The following ATP11C variants were observed in gnomAD, a reference collection of about 807,000 sequenced individuals.
ATP11C encodes phospholipid-transporting ATPase IG.
In ATP11C, 36 loss-of-function variants were observed where a neutral mutation model predicts 97.4. That is an observed-to-expected ratio of 0.37 (90% CI 0.28 to 0.49). ATP11C has a LOEUF of 0.49. ATP11C is among the 20% of genes least tolerant of loss of function. The probability of loss-of-function intolerance (pLI) is 0.98; values close to 1 mark genes in which losing one functional copy is unlikely to be tolerated. For missense variants in ATP11C, 730 were observed against 824.6 expected, an observed-to-expected ratio of 0.89 and a Z score of 1.40; for synonymous variants, 275 against 290.9, an observed-to-expected ratio of 0.95 and a Z score of 0.56.
intron 16 of ATP11C, among the ~76,000 whole-genome samples, chrX:139,784,016 AC>A (rs1243265783): frequency 1.8e-5 from 2 of 112,600 alleles, no homozygotes; most frequent in African/African-American, 6.5e-5. Context: ...GATAGTTTTT[AC>A]TGATGAGAAT....
intron 1 of ATP11C, among the ~76,000 whole-genome samples, chrX:139,862,306 G>A (rs890175835): frequency 8.1e-5 from 9 of 110,680 alleles, no homozygotes; most frequent in African/African-American, 2.6e-4. Flanking sequence ...GAGCTTCTCC[G>A]GCAAAGTAAT....
chrX:139,764,823 C>G (rs1376796099), intron 20 of ATP11C, among the ~76,000 whole-genome samples: 2 of 111,849 alleles, frequency 1.8e-5, no homozygotes, highest in African/African-American at 6.5e-5. Flanking sequence ...CAATCCCTCC[C>G]CTCAACTTGG....
chrX:139,772,898 T>C (rs975458696), intron 19 of ATP11C, among the ~76,000 whole-genome samples: 18 of 110,806 alleles, frequency 1.6e-4, no homozygotes, highest in Admixed American at 1.3e-3. Context: ...CTGAAAGACT[T>C]TGGGGGGCTG....
intron 1 of ATP11C, among the ~76,000 whole-genome samples, chrX:139,828,174 G>C (rs1272837835): frequency 1.8e-5 from 2 of 111,414 alleles, no homozygotes; most frequent in Non-Finnish European, 3.8e-5. Context: ...TATCTATGCT[G>C]GATAGCTTAG....
At chrX:139,834,378 G>C (rs2147906784) in intron 1 of ATP11C, among the ~76,000 whole-genome samples, 1 of 111,617 alleles carries the variant, frequency 9.0e-6, no homozygotes, top group African/African-American at 3.3e-5. Flanking sequence ...CTTTGTGGCA[G>C]AGTACACAGG....
chrX:139,780,510 TAA>T (rs61157633), intron 18 of ATP11C, among the ~76,000 whole-genome samples: 1 of 97,858 alleles, frequency 1.0e-5, no homozygotes. Flanking sequence ...ACCTTGATGA[TAA>T]AAAAAAAAAA....
chrX:139,843,097 G>C (rs1319679368), intron 1 of ATP11C, among the ~76,000 whole-genome samples: 1 of 112,259 alleles, frequency 8.9e-6, no homozygotes, highest in East Asian at 2.8e-4. Context: ...GCTTAATTAA[G>C]AGTCCCTGTA....
chrX:139,823,243 C>G (rs1262992826), intron 2 of ATP11C, among the ~76,000 whole-genome samples: 2 of 111,885 alleles, frequency 1.8e-5, no homozygotes, highest in African/African-American at 3.3e-5. Context: ...CGCCAGCTTT[C>G]CCGGTACATA....
At chrX:139,845,363 T>C (rs1276927721) in intron 1 of ATP11C, among the ~76,000 whole-genome samples, 1 of 112,105 alleles carries the variant, frequency 8.9e-6, no homozygotes, top group Non-Finnish European at 1.9e-5. Flanking sequence ...CCACCACAAA[T>C]GTTTCTGCTT....
chrX:139,837,321 A>T (rs1180363530), intron 1 of ATP11C, among the ~76,000 whole-genome samples: 1 of 112,129 alleles, frequency 8.9e-6, no homozygotes, highest in African/African-American at 3.2e-5. Flanking sequence ...GGAAGCTTTA[A>T]ACAGAAAATA....
At chrX:139,881,590 C>T (rs756299874) in intron 1 of ATP11C, among the ~76,000 whole-genome samples, 22 of 111,609 alleles carry the variant, frequency 2.0e-4, no homozygotes, top group Non-Finnish European at 3.4e-4. Context: ...TCCACTAATT[C>T]ATACATTACA....
chrX:139,852,825 G>A (rs961239948), intron 1 of ATP11C, among the ~76,000 whole-genome samples: 1 of 110,831 alleles, frequency 9.0e-6, no homozygotes, highest in African/African-American at 3.3e-5. Flanking sequence ...AGGACAGCAC[G>A]AGTGGGAAGT....
chrX:139,901,540 T>C (rs2084900319), intron 1 of ATP11C, among the ~76,000 whole-genome samples: 2 of 111,713 alleles, frequency 1.8e-5, no homozygotes, highest in Non-Finnish European at 1.9e-5. Flanking sequence ...CTGAGACTAA[T>C]GCTGGTAGCC....
At chrX:139,856,060 G>C (rs1026307189) in intron 1 of ATP11C, among the ~76,000 whole-genome samples, 2 of 112,614 alleles carry the variant, frequency 1.8e-5, no homozygotes, top group Non-Finnish European at 3.7e-5. Flanking sequence ...AGATGCAAAT[G>C]CCTGGTTGGA....
At chrX:139,853,085 G>A (rs1334835471) in intron 1 of ATP11C, among the ~76,000 whole-genome samples, 1 of 111,396 alleles carries the variant, frequency 9.0e-6, no homozygotes, top group Non-Finnish European at 1.9e-5. Flanking sequence ...CAGGCAAGGC[G>A]AGACATCCCT....
intron 24 of ATP11C, among the ~76,000 whole-genome samples, 160 bp downstream of exon 24, chrX:139,749,865 C>A (rs2081773669): frequency 8.9e-6 from 1 of 111,780 alleles, no homozygotes; most frequent in African/African-American, 3.3e-5. Context: ...ATGTCATTTT[C>A]CTGTTGAGCA....
chrX:139,745,322 C>T (rs1039469113), intron 25 of ATP11C, among the ~76,000 whole-genome samples: 97 of 111,337 alleles, frequency 8.7e-4, no homozygotes, highest in African/African-American at 2.9e-3. Flanking sequence ...GCCAACACTC[C>T]AAAGATATGG....
intron 1 of ATP11C, among the ~76,000 whole-genome samples, chrX:139,926,257 T>C (rs2085350158): frequency 9.0e-6 from 1 of 111,473 alleles, no homozygotes; most frequent in Non-Finnish European, 1.9e-5. Context: ...GGTTCATCTG[T>C]ATAAAGCACT....
chrX:139,755,549 A>G (rs1162725212), intron 23 of ATP11C, among the ~76,000 whole-genome samples: 2 of 111,979 alleles, frequency 1.8e-5, no homozygotes, highest in Non-Finnish European at 3.8e-5. Context: ...CAAAATGAAC[A>G]AAGCTGGAGG....
Sources: allele counts gnomAD v4.1 joint callset (sites outside exome capture counted in the v4.1 genomes callset), GRCh38; gene constraint gnomAD v4.1.1; transcripts MANE v1.5; gene names NCBI Gene and HGNC (gene_info 2026-07-23, HGNC 2026-07-21).